Variants in EHBP1 observed in about 807,000 individuals in gnomAD.
The protein encoded by EHBP1 is EH domain-binding protein 1.
EHBP1 carries 55 observed loss-of-function variants against 144.0 expected under a neutral mutation model. That is an observed-to-expected ratio of 0.38 (90% CI 0.31 to 0.48). The LOEUF (loss-of-function observed/expected upper bound fraction) is 0.48. Ranked by LOEUF, EHBP1 falls within the 20% of genes least tolerant of loss-of-function variation. The probability of loss-of-function intolerance (pLI) is 0.98; values close to 1 mark genes in which losing one functional copy is unlikely to be tolerated. For synonymous variants in EHBP1, 469 were observed against 472.7 expected (o/e 0.99, Z 0.10); for missense variants, 1,200 against 1,364.2 (o/e 0.88, Z 1.90).
Position 62,955,555 on chromosome 2 carries a change from A to G in EHBP1, c.2355A>G (p.Arg785=). ...CTAGACAAGAAGAACTTAAGGAAAGAGCAAGAGTTCTGCTTGAGCAAGCAA... is the reference window on the plus strand; with the variant it reads ...CTAGACAAGAAGAACTTAAGGAAAGGGCAAGAGTTCTGCTTGAGCAAGCAA... ...LLSRQEELKE[R]ARVLLEQARR... is the part of the protein sequence containing the mutation. Residue 785 remains arginine, a synonymous_variant, in exon 14 of 23, where the codon AGA becomes AGG. Coordinates refer to ENST00000431489, the MANE Select transcript of EHBP1 (RefSeq NM_001142616.3). The G allele has an allele frequency of 6.2e-7, 1 of 1,613,200 alleles. No homozygotes were observed. The highest frequency in any genetic ancestry group is 1.1e-5 in the South Asian group (1 of 90,956).
intron 7 of EHBP1, among the ~76,000 whole-genome samples, chr2:62,838,542 G>A (rs1364565778): frequency 6.6e-6 from 1 of 152,116 alleles, no homozygotes; most frequent in African/African-American, 2.4e-5. Context: ...AAAAATCAGT[G>A]AATCCAGGAG....
chr2:62,779,078 T>C (rs1411877994), intron 5 of EHBP1, among the ~76,000 whole-genome samples: 15 of 152,192 alleles, frequency 9.9e-5, no homozygotes, highest in Non-Finnish European at 4.4e-5. Flanking sequence ...ACATTAGCAG[T>C]ACCCCTCTTC....
At chr2:62,868,867 TC>T (rs1207910282) in intron 9 of EHBP1, among the ~76,000 whole-genome samples, 1 of 152,078 alleles carries the variant, frequency 6.6e-6, no homozygotes, top group Non-Finnish European at 1.5e-5. Flanking sequence ...TATGGGCTGA[TC>T]ACTTGAGCCC....
At position 62,932,175 on chromosome 2, in the gene EHBP1, T is replaced by TA. The variant is rs764069665; in HGVS notation, c.1186-10528dup. ...CTGGGTGGCAGAGCGAGACGGCATC[T>TA]AAAAAAAAAAAAAAAGAACATATTC... is the stretch of plus-strand genomic sequence containing the variant. On this transcript the variant is annotated intron_variant, in intron 10 of 22. Coordinates refer to ENST00000431489, the MANE Select transcript of EHBP1 (RefSeq NM_001142616.3). 4.1e-3 allele frequency among the ~76,000 whole-genome samples: 521 copies of TA among 125,778 alleles called. 4 individuals carry two copies. The highest frequency in any genetic ancestry group is 0.01 in the African/African-American group (348 of 33,482). 82.5% of individuals were successfully genotyped at this position (125,778 alleles called of 152,430 possible).
At chr2:62,798,450 T>C (rs1176635518) in intron 5 of EHBP1, among the ~76,000 whole-genome samples, 1 of 152,174 alleles carries the variant, frequency 6.6e-6, no homozygotes, top group Non-Finnish European at 1.5e-5. Flanking sequence ...TGTCTGCCTC[T>C]TTAGAGACTA....
chr2:62,867,212 A>G (rs2050112269), intron 9 of EHBP1, among the ~76,000 whole-genome samples: 2 of 152,156 alleles, frequency 1.3e-5, no homozygotes, highest in Admixed American at 6.5e-5. Context: ...ATAGAAGTAA[A>G]ACGTTATGAT....
chr2:62,757,583 G>A lies in EHBP1; in HGVS notation c.163-6683G>A, dbSNP rs149457420. On this transcript the variant is annotated intron_variant, in intron 3 of 22. Transcript: ENST00000431489. ...CGAGTAGCTGGGATTACAGACATAC[G>A]CCACAATTCCCGGCAAATTTTTGTG... is the stretch of plus-strand genomic sequence containing the variant. 1.3e-3 allele frequency among the ~76,000 whole-genome samples: 192 copies of A among 151,330 alleles called. 7 individuals carry two copies. The East Asian group carries it at 0.03, about 24-fold the overall frequency.
chr2:62,900,389 G>C (rs545729793), intron 10 of EHBP1, among the ~76,000 whole-genome samples: 1 of 151,972 alleles, frequency 6.6e-6, no homozygotes, highest in Non-Finnish European at 1.5e-5. Context: ...AAGGCAATGG[G>C]GGACACAGGA....
At chr2:62,722,166 A>G (rs1288628543) in intron 2 of EHBP1, among the ~76,000 whole-genome samples, 4 of 151,576 alleles carry the variant, frequency 2.6e-5, no homozygotes, top group East Asian at 3.9e-4. Context: ...GTCTCACTCT[A>G]TTGCCCATGC....
At chr2:62,705,675 G>C (rs1335592371), upstream of EHBP1, 1 of 152,376 alleles carries the variant, frequency 6.6e-6, no homozygotes, top group East Asian at 1.9e-4. Flanking sequence ...GGCCAATGGC[G>C]GCGGGGCGGT....
Position 62,993,947 on chromosome 2 carries a change from G to C in EHBP1, c.2949G>C (p.Gln983His). The C allele has an allele frequency of 6.3e-7, 1 of 1,585,454 alleles. No homozygotes were observed. ...AGAAGGCAGCGATAACTGAAACTCAGAGGAAGCCATCAGAAGATGAAGTGC... is the reference window on the plus strand; with the variant it reads ...AGAAGGCAGCGATAACTGAAACTCACAGGAAGCCATCAGAAGATGAAGTGC... ...NEEKAAITETQRKPSEDEVLN... is the reference protein window; with the variant it reads ...NEEKAAITETHRKPSEDEVLN... Residue 983 changes from glutamine (Q) to histidine (H), a missense_variant, in exon 18 of 23, where the codon CAG (glutamine) becomes CAC (histidine). Transcript: ENST00000431489.
intron 9 of EHBP1, 90 bp from the exon 10 acceptor site, chr2:62,874,256 A>G (rs1573838254): frequency 9.8e-7 from 1 of 1,015,930 alleles, no homozygotes; most frequent in East Asian, 2.6e-5. Context: ...TGAAAAAAGA[A>G]ATTTTAGTTT....
At chr2:62,917,390 T>C (rs1199156294) in intron 10 of EHBP1, among the ~76,000 whole-genome samples, 2 of 152,140 alleles carry the variant, frequency 1.3e-5, no homozygotes, top group Non-Finnish European at 2.9e-5. Context: ...AATCTGTCAT[T>C]GACTGAAACA....
chr2:62,777,758 G>A (rs1298516752), intron 5 of EHBP1, among the ~76,000 whole-genome samples: 2 of 152,144 alleles, frequency 1.3e-5, no homozygotes, highest in African/African-American at 2.4e-5. Flanking sequence ...ACATAAAAAT[G>A]TTCGTAGGGT....
chr2:62,948,634 T>C lies in EHBP1; in HGVS notation c.1788T>C (p.Pro596=), dbSNP rs763050808. The change falls in exon 13 of 23, where the codon CCT becomes CCC. Residue 596 remains proline, a synonymous_variant. Transcript: ENST00000431489. ...AGTCAGAAAGTGAGCATCAAACTCC[T>C]GATGATCACCTTAGTCCAAGCACAG... ...VGESESEHQT[P]DDHLSPSTAS... is the part of the protein sequence containing the mutation. The C allele has an allele frequency of 6.2e-7, 1 of 1,613,990 alleles. No individual in the cohort carries two copies. The highest frequency in any genetic ancestry group is 1.3e-5 in the African/African-American group (1 of 75,048).
chr2:62,737,946 G>A (rs899861299), intron 2 of EHBP1, among the ~76,000 whole-genome samples: 2 of 151,904 alleles, frequency 1.3e-5, no homozygotes, highest in Admixed American at 6.6e-5. Context: ...TAATTTTTTT[G>A]TAGAGACAAG....
At chr2:62,917,901 CTT>C (rs869278156) in intron 10 of EHBP1, among the ~76,000 whole-genome samples, 12 of 141,278 alleles carry the variant, frequency 8.5e-5, no homozygotes, top group Admixed American at 7.1e-5. Flanking sequence ...TGTGTTCCTT[CTT>C]TTTTTTTTTT....
At chr2:62,841,289 A>C (rs527519645) in intron 7 of EHBP1, among the ~76,000 whole-genome samples, 15 of 142,342 alleles carry the variant, frequency 1.1e-4, no homozygotes, top group South Asian at 2.2e-4. Context: ...GAACTGAACA[A>C]TGAGATCACA....
intron 1 of EHBP1, among the ~76,000 whole-genome samples, chr2:62,678,544 G>A (rs1052918741): frequency 1.3e-5 from 2 of 152,102 alleles, no homozygotes; most frequent in African/African-American, 2.4e-5. Flanking sequence ...AATAATAACA[G>A]TAATTAGTAC....
Sources: gnomAD v4.1 joint callset for allele counts (sites outside exome capture counted in the v4.1 genomes callset) on GRCh38, gnomAD v4.1.1 for gene constraint, MANE v1.5 for transcripts, NCBI Gene and HGNC (gene_info 2026-07-23, HGNC 2026-07-21) for gene names.